The following LRRIQ3 variants were observed in gnomAD, a reference collection of about 807,000 sequenced individuals.
LRRIQ3 encodes leucine-rich repeat and IQ domain-containing protein 3.
Under a neutral mutation model 59.3 loss-of-function variants are expected in LRRIQ3, and 75 were observed. The observed-to-expected ratio is 1.26, with a 90% CI of 1.05 to 1.53. The LOEUF is 1.53. Among genes scored for constraint, LRRIQ3 ranks in the 40% most tolerant of loss-of-function variants. LRRIQ3 has a pLI of 0.00. For missense variants in LRRIQ3, 831 were observed against 710.0 expected (o/e 1.17, Z -1.94); for synonymous variants, 250 against 231.3 (o/e 1.08, Z -0.73).
At chr1:74,144,793 T>A (rs1299669704) in intron 4 of LRRIQ3, among the ~76,000 whole-genome samples, 2 of 151,818 alleles carry the variant, frequency 1.3e-5, no homozygotes, top group Non-Finnish European at 2.9e-5. Context: ...GACTATAGTT[T>A]CCCAACCTTA....
intron 5 of LRRIQ3, among the ~76,000 whole-genome samples, chr1:74,091,749 G>A (rs1279370364): frequency 6.6e-6 from 1 of 152,008 alleles, no homozygotes; most frequent in Non-Finnish European, 1.5e-5. Context: ...AATAATTCAA[G>A]TGGAAAGTAT....
Position 74,090,485 on chromosome 1 carries a change from C to A in LRRIQ3, c.868-15695G>T, listed in dbSNP as rs115352778. 7.2e-3 allele frequency among the ~76,000 whole-genome samples: 1,093 copies of A among 151,880 alleles called. 13 individuals are homozygous for A. The highest frequency in any genetic ancestry group is 0.025 in the African/African-American group (1,042 of 41,464). ...ATTATCAGGTCAAAAGAAGACTGTA[C>A]CAGAAATACTTAGTAATGAAAATAA... is the stretch of plus-strand genomic sequence containing the variant. On this transcript the variant is annotated intron_variant, in intron 5 of 7. Transcript: ENST00000354431.
chr1:74,072,744 A>G (rs1655063052), intron 6 of LRRIQ3, among the ~76,000 whole-genome samples: 1 of 152,128 alleles, frequency 6.6e-6, no homozygotes, highest in Non-Finnish European at 1.5e-5. Flanking sequence ...ATTTTGAAAA[A>G]AAATTTAATC....
At chr1:74,115,167 T>C (rs1284655401) in intron 4 of LRRIQ3, among the ~76,000 whole-genome samples, 2 of 152,138 alleles carry the variant, frequency 1.3e-5, no homozygotes, top group African/African-American at 4.8e-5. Flanking sequence ...CACTCTTTCA[T>C]GAATTGCTCA....
chr1:74,138,852 C>T (rs1011170412), intron 4 of LRRIQ3, among the ~76,000 whole-genome samples: 5 of 151,556 alleles, frequency 3.3e-5, no homozygotes, highest in African/African-American at 1.2e-4. Flanking sequence ...AAGCACCTTC[C>T]CTTCCTCTCC....
rs140430658 is a variant in LRRIQ3, at chr1:74,135,576, AATC to A, written c.707+20154_707+20156del. Among the ~76,000 whole-genome samples the A allele has an allele frequency of 3.7e-3, 560 of 152,058 alleles. 2 individuals are homozygous for A. Among genetic ancestry groups the A allele is most frequent in the African/African-American group, 0.013 (541 of 41,562 alleles). On this transcript the variant is annotated intron_variant, in intron 4 of 7. Transcript: ENST00000354431. Reference sequence around the variant, plus strand: ...GTAATCATGGTAAAATTAAATAAGAAATCAACAACAGAAGAAAATTTTGGAAAT... The same window carrying A: ...GTAATCATGGTAAAATTAAATAAGAAAACAACAGAAGAAAATTTTGGAAAT...
chr1:74,165,818 C>G (rs1287256180), intron 3 of LRRIQ3, among the ~76,000 whole-genome samples: 1 of 151,396 alleles, frequency 6.6e-6, no homozygotes, highest in East Asian at 1.9e-4. Flanking sequence ...TTTTTTTCTG[C>G]ATGAATTGGT....
intron 3 of LRRIQ3, among the ~76,000 whole-genome samples, chr1:74,159,591 T>C (rs1313548041): frequency 6.6e-6 from 1 of 152,144 alleles, no homozygotes; most frequent in Non-Finnish European, 1.5e-5. Context: ...CATTTAAACA[T>C]TTGATTTAAC....
chr1:74,184,715 C>T (rs1362047677), intron 1 of LRRIQ3, among the ~76,000 whole-genome samples: 1 of 152,080 alleles, frequency 6.6e-6, no homozygotes, highest in Non-Finnish European at 1.5e-5. Flanking sequence ...GGGCTAAGGG[C>T]ATAGGAATAA....
chr1:74,073,311 A>G (rs1380111479), intron 6 of LRRIQ3, among the ~76,000 whole-genome samples: 1 of 152,126 alleles, frequency 6.6e-6, no homozygotes, highest in East Asian at 1.9e-4. Context: ...CAGGAGTTCA[A>G]GACCAGCCTG....
chr1:74,170,313 T>G (rs1649245295), intron 3 of LRRIQ3, among the ~76,000 whole-genome samples: 1 of 152,180 alleles, frequency 6.6e-6, no homozygotes, highest in Admixed American at 6.5e-5. Flanking sequence ...ATTCAGATCT[T>G]ACCTTTAAGA....
Position 74,074,667 on chromosome 1 carries a change from G to T in LRRIQ3, c.991C>A (p.Gln331Lys). The T allele has an allele frequency of 7.5e-7, 1 of 1,335,814 alleles. No individual in the cohort carries two copies. Among genetic ancestry groups the T allele is most frequent in the Non-Finnish European group, 9.8e-7 (1 of 1,015,234 alleles). The allele number at this position is 1,335,814 out of a possible 1,614,324, so 82.7% of individuals were successfully genotyped here. A position where few individuals can be genotyped will look rare whatever the true frequency, so the allele number is the denominator to read the frequency against. The change falls in exon 6 of 8, where the codon CAA (glutamine) becomes AAA (lysine). Residue 331 changes from glutamine (Q) to lysine (K), a missense_variant. Gln to Lys is a moderately conservative substitution (Grantham distance 53). Transcript: ENST00000354431. ...AAAAATTCATATAACTAACCTTTTT[G>T]AATGAGATGTCTTGATGTTTTTGAT... is the stretch of plus-strand genomic sequence containing the variant. ...MKSKTSRHLI[Q>K]KGQESEDEIV...
At chr1:74,196,012 T>TA in intron 1 of LRRIQ3, among the ~76,000 whole-genome samples, 1 of 152,038 alleles carries the variant, frequency 6.6e-6, no homozygotes, top group African/African-American at 2.4e-5. Flanking sequence ...ATTTTTTTTT[T>TA]ACTAAAAATT....
At chr1:74,193,981 G>A (rs1650934602) in intron 1 of LRRIQ3, among the ~76,000 whole-genome samples, 1 of 152,082 alleles carries the variant, frequency 6.6e-6, no homozygotes, top group South Asian at 2.1e-4. Flanking sequence ...AACATATTAA[G>A]TGCATCTCTA....
intron 4 of LRRIQ3, among the ~76,000 whole-genome samples, chr1:74,135,726 T>C (rs188188404): frequency 1.1e-3 from 164 of 152,060 alleles, no homozygotes; most frequent in African/African-American, 3.8e-3. Context: ...CATTATGAGA[T>C]GTAGCTAAAG....
intron 4 of LRRIQ3, among the ~76,000 whole-genome samples, chr1:74,154,156 G>A (rs893671147): frequency 1.4e-5 from 2 of 147,232 alleles, no homozygotes; most frequent in African/African-American, 5.0e-5. Context: ...CAGGAGAATG[G>A]CGTGAACCCG....
intron 4 of LRRIQ3, among the ~76,000 whole-genome samples, chr1:74,155,249 T>C (rs1372334846): frequency 1.3e-5 from 2 of 152,228 alleles, no homozygotes; most frequent in Admixed American, 1.3e-4. Flanking sequence ...TATCCTATCA[T>C]ATCTCTGCAA....
Position 74,074,652 on chromosome 1 carries a change from ATAAC to A in LRRIQ3, c.997+5_997+8del, listed in dbSNP as rs749845101. 46 of 1,257,274 alleles carry A rather than the reference ATAAC, an allele frequency of 3.7e-5. No homozygotes were observed. The highest frequency in any genetic ancestry group is 4.7e-5 in the African/African-American group (3 of 63,306). The allele number at this position is 1,257,274 out of a possible 1,614,324, so 77.9% of individuals were successfully genotyped here. Reference sequence around the variant, plus strand: ...TTATTAAATATAATTAAAAATTCATATAACTAACCTTTTTGAATGAGATGTCTTG... The same window carrying A: ...TTATTAAATATAATTAAAAATTCATATAACCTTTTTGAATGAGATGTCTTG... On this transcript the variant is annotated splice_donor_5th_base_variant and intron_variant, in intron 6 of 7. Coordinates refer to ENST00000354431, the MANE Select transcript of LRRIQ3 (RefSeq NM_001105659.2).
intron 6 of LRRIQ3, among the ~76,000 whole-genome samples, chr1:74,068,094 A>C (rs1431451011): frequency 1.3e-5 from 2 of 152,040 alleles, no homozygotes; most frequent in South Asian, 2.1e-4. Flanking sequence ...TTTGCTACTA[A>C]ATAACTTGGA....
Sources: allele counts gnomAD v4.1 joint callset (sites outside exome capture counted in the v4.1 genomes callset), GRCh38; gene constraint gnomAD v4.1.1; transcripts MANE v1.5; gene names NCBI Gene and HGNC (gene_info 2026-07-23, HGNC 2026-07-21).